ZMAT4: variants seen among roughly 807,000 people sequenced by gnomAD.
ZMAT4 encodes the protein zinc finger matrin-type protein 4.
In ZMAT4, 17 loss-of-function variants were observed where a neutral mutation model predicts 28.7. The observed-to-expected ratio is 0.59, with a 90% CI of 0.41 to 0.89. The LOEUF is 0.89. Ranked by LOEUF, ZMAT4 falls within the 40% of genes least tolerant of loss-of-function variation. The probability of loss-of-function intolerance (pLI) is 0.00; values close to 1 mark genes in which losing one functional copy is unlikely to be tolerated. For missense variants in ZMAT4, 240 were observed against 283.8 expected, an observed-to-expected ratio of 0.85 and a Z score of 1.11; for synonymous variants, 117 against 109.2, an observed-to-expected ratio of 1.07 and a Z score of -0.44.
chr8:40,895,731 T>C (rs145960224), intron 1 of ZMAT4, among the ~76,000 whole-genome samples: 1 of 152,184 alleles, frequency 6.6e-6, no homozygotes, highest in Non-Finnish European at 1.5e-5. Context: ...TCCAACAGAT[T>C]GGCATCAATT....
rs113202901 is a variant in ZMAT4 at position 40,716,855 on chromosome 8, G to A, written c.193-19454C>T. On this transcript the variant is annotated intron_variant, in intron 3 of 6. Coordinates refer to ENST00000297737, the MANE Select transcript of ZMAT4 (RefSeq NM_024645.3). ...CTAGGCCTTTTTACTTTGTTAGCTG[G>A]TCAGACTGAGCTGGAGCTTTGTCAT... Among the ~76,000 whole-genome samples the A allele has an allele frequency of 6.1e-3, 925 of 152,264 alleles. 7 individuals are homozygous for A. The highest frequency in any genetic ancestry group is 0.021 in the African/African-American group (891 of 41,564).
intron 5 of ZMAT4, among the ~76,000 whole-genome samples, chr8:40,673,366 T>C (rs1487817640): frequency 1.3e-5 from 2 of 152,190 alleles, no homozygotes; most frequent in African/African-American, 4.8e-5. Flanking sequence ...TTTTCTGTTA[T>C]AATTATCCCC....
At chr8:40,683,699 C>G (rs1809273171) in intron 4 of ZMAT4, among the ~76,000 whole-genome samples, 1 of 152,078 alleles carries the variant, frequency 6.6e-6, no homozygotes, top group Non-Finnish European at 1.5e-5. Context: ...ACTCACCAGG[C>G]AAACACATTC....
intron 3 of ZMAT4, among the ~76,000 whole-genome samples, chr8:40,744,905 C>T (rs895127246): frequency 2.0e-5 from 3 of 152,174 alleles, no homozygotes; most frequent in Admixed American, 1.3e-4. Context: ...GAAAATGCAC[C>T]AGCAAAGATG....
intron 1 of ZMAT4, among the ~76,000 whole-genome samples, chr8:40,866,726 C>T (rs943334289): frequency 2.0e-5 from 3 of 152,182 alleles, no homozygotes; most frequent in Non-Finnish European, 4.4e-5. Flanking sequence ...GTGTAAATAG[C>T]TGGCAAGCAC....
chr8:40,694,618 C>T (rs945248663), intron 4 of ZMAT4, among the ~76,000 whole-genome samples: 4 of 152,102 alleles, frequency 2.6e-5, no homozygotes, highest in African/African-American at 7.2e-5. Context: ...GGGACACCCC[C>T]ACAATGCCTA....
At chr8:40,745,136 G>A (rs961168201) in intron 3 of ZMAT4, among the ~76,000 whole-genome samples, 5 of 152,182 alleles carry the variant, frequency 3.3e-5, no homozygotes, top group Non-Finnish European at 5.9e-5. Flanking sequence ...CACAGCATCC[G>A]GATGTGGTGA....
chr8:40,880,409 C>T (rs1818180939), intron 1 of ZMAT4, among the ~76,000 whole-genome samples: 1 of 151,954 alleles, frequency 6.6e-6, no homozygotes, highest in African/African-American at 2.4e-5. Flanking sequence ...AAAAATCACG[C>T]TTTCCAGAAA....
chr8:40,884,951 CT>C (rs1271847682), intron 1 of ZMAT4: 1 of 152,204 alleles, frequency 6.6e-6, no homozygotes, highest in Admixed American at 6.5e-5. Context: ...TACTATCTGG[CT>C]CTTTAAGAAA....
intron 3 of ZMAT4, among the ~76,000 whole-genome samples, chr8:40,761,955 G>A (rs921899046): frequency 1.3e-5 from 2 of 152,208 alleles, no homozygotes; most frequent in African/African-American, 4.8e-5. Flanking sequence ...TGAAACTCAT[G>A]CGTAGCAGAA....
At chr8:40,765,723 C>G (rs1813132602) in intron 3 of ZMAT4, among the ~76,000 whole-genome samples, 1 of 152,130 alleles carries the variant, frequency 6.6e-6, no homozygotes, top group African/African-American at 2.4e-5. Flanking sequence ...GTGGCAAGGA[C>G]CATCTTGAGC....
chr8:40,790,548 A>T (rs1814280923), intron 2 of ZMAT4, among the ~76,000 whole-genome samples: 1 of 152,218 alleles, frequency 6.6e-6, no homozygotes, highest in Non-Finnish European at 1.5e-5. Context: ...TAATACTATC[A>T]GAAATATGAA....
chr8:40,725,888 A>G (rs775914435), intron 3 of ZMAT4, among the ~76,000 whole-genome samples: 1 of 151,744 alleles, frequency 6.6e-6, no homozygotes, highest in Non-Finnish European at 1.5e-5. Context: ...TAAAACTGAT[A>G]ATAGTATTCT....
At chr8:40,584,742 T>G (rs1389905542) in intron 5 of ZMAT4, among the ~76,000 whole-genome samples, 2 of 152,138 alleles carry the variant, frequency 1.3e-5, no homozygotes, top group Non-Finnish European at 2.9e-5. Flanking sequence ...CAAGCAATTC[T>G]CCTGCCTCAG....
chr8:40,551,124 A>G (rs1803358403), intron 6 of ZMAT4, among the ~76,000 whole-genome samples: 1 of 152,194 alleles, frequency 6.6e-6, no homozygotes, highest in South Asian at 2.1e-4. Context: ...CCTACAATCC[A>G]TAATGGTTCT....
At chr8:40,587,631 T>C (rs902435452) in intron 5 of ZMAT4, among the ~76,000 whole-genome samples, 2 of 151,474 alleles carry the variant, frequency 1.3e-5, no homozygotes, top group Admixed American at 1.3e-4. Flanking sequence ...AGCTAAAAAA[T>C]ATAGAGAAAA....
At chr8:40,791,911 C>T (rs766670699) in intron 2 of ZMAT4, among the ~76,000 whole-genome samples, 82 of 152,240 alleles carry the variant, frequency 5.4e-4, no homozygotes, top group Non-Finnish European at 1.1e-3. Context: ...ATCAGGAGGG[C>T]CGCTGCACAG....
intron 3 of ZMAT4, 70 bp downstream of exon 3, chr8:40,767,571 C>T (rs1436619981): frequency 4.9e-5 from 66 of 1,342,196 alleles, no homozygotes; most frequent in Non-Finnish European, 6.7e-5. Context: ...GACTACAATT[C>T]CTACACCTGC....
At chr8:40,695,856 C>T (rs1226901281) in intron 4 of ZMAT4, among the ~76,000 whole-genome samples, 1 of 141,122 alleles carries the variant, frequency 7.1e-6, no homozygotes, top group Non-Finnish European at 1.5e-5. Flanking sequence ...CAAACACACA[C>T]CTTCTCCTCT....
Sources: gnomAD v4.1 joint callset for allele counts (sites outside exome capture counted in the v4.1 genomes callset) on GRCh38, gnomAD v4.1.1 for gene constraint, MANE v1.5 for transcripts, NCBI Gene and HGNC (gene_info 2026-07-23, HGNC 2026-07-21) for gene names.